Variants in NBL1 observed in about 807,000 individuals in gnomAD.
NBL1 encodes neuroblastoma suppressor of tumorigenicity 1.
In NBL1, 9 loss-of-function variants were observed where a neutral mutation model predicts 16.0. The observed-to-expected ratio is 0.56, with a 90% CI of 0.34 to 0.98. The LOEUF (loss-of-function observed/expected upper bound fraction) is 0.98, where lower values mean the gene tolerates loss of function less well. Ranked by LOEUF, NBL1 falls within the 50% of genes least tolerant of loss-of-function variation. NBL1 has a pLI of 0.02. For synonymous variants in NBL1, 86 were observed against 100.7 expected (o/e 0.85, Z 0.87); for missense variants, 196 against 243.1 (o/e 0.81, Z 1.29).
Position 19,644,446 on chromosome 1 carries a change from G to C in NBL1, c.-20G>C, listed in dbSNP as rs1038307407. On this transcript the variant is annotated splice_region_variant and 5_prime_UTR_variant, in exon 1 of 4. Transcript: ENST00000375136. This position sits in a 1 kb window ranked among gnomAD's most constrained non-coding sequence, Gnocchi z 4.6. The stretch of plus-strand genomic sequence containing the variant: ...CTCCGCAGGACCGGCGGGCGCGCGC[G>C]GTAAGTCCCGCCCGGGTCGGCACGC... 416 of 978,658 alleles carry C rather than the reference G, an allele frequency of 4.3e-4. No individual in the cohort carries two copies. Among genetic ancestry groups the C allele is most frequent in the Non-Finnish European group, 4.8e-4 (396 of 827,342 alleles). 60.6% of individuals were successfully genotyped at this position (978,658 alleles called of 1,614,324 possible).
chr1:19,645,963 G>A, intron 1 of NBL1: 1 of 1,550,546 alleles, frequency 6.4e-7, no homozygotes, highest in Non-Finnish European at 8.7e-7. Context: ...GTGCAGCCTG[G>A]CCCTGCAGCA....
In NBL1 at chr1:19,645,573, A is replaced by G. The variant is rs577126028; in HGVS notation, c.-20+1127A>G. 87 of 1,014,166 alleles carry G rather than the reference A, an allele frequency of 8.6e-5. No homozygotes were observed. In the East Asian group the frequency reaches 1.9e-3, roughly 22 times the overall value. The allele number at this position is 1,014,166 out of a possible 1,614,324, so 62.8% of individuals were successfully genotyped here. On this transcript the variant is annotated intron_variant, in intron 1 of 3. Transcript: ENST00000375136. The stretch of plus-strand genomic sequence containing the variant: ...AAGACCGGGCGCTGGCGGGGAAGCA[A>G]TTTGTCAACAAGGAGCCCCTCACCC...
chr1:19,645,865 C>T (rs2094976290), intron 1 of NBL1: 6 of 1,524,048 alleles, frequency 3.9e-6, no homozygotes, highest in Middle Eastern at 3.4e-4. Context: ...TTAGCTGCTT[C>T]CCCCCACCCA....
At chr1:19,649,550 G>C (rs919205701) in intron 1 of NBL1, among the ~76,000 whole-genome samples, 2 of 151,618 alleles carry the variant, frequency 1.3e-5, no homozygotes, top group South Asian at 4.2e-4. Flanking sequence ...GTAGAGACGG[G>C]GTTTCGCCAT....
intron 1 of NBL1, 28 bp from the exon 2 acceptor site, chr1:19,654,984 C>T: frequency 6.5e-7 from 1 of 1,537,192 alleles, no homozygotes; most frequent in South Asian, 1.2e-5. Context: ...CTTGCTGTGC[C>T]TCACCTGGCA....
chr1:19,654,930 A>G (rs2095047415), intron 1 of NBL1, 82 bp from the exon 2 acceptor site: 7 of 1,454,334 alleles, frequency 4.8e-6, no homozygotes, highest in Non-Finnish European at 5.4e-6. Context: ...AAGGAGTCGG[A>G]TGCCAGAGTC....
chr1:19,654,168 G>A (rs2095043313), intron 1 of NBL1, among the ~76,000 whole-genome samples: 1 of 152,176 alleles, frequency 6.6e-6, no homozygotes, highest in Non-Finnish European at 1.5e-5. Context: ...CCAGCACTTT[G>A]GAATGCTGAA....
chr1:19,644,472 G>C lies in NBL1; in HGVS notation c.-20+26G>C, dbSNP rs1186417711. The C allele has an allele frequency of 1.0e-6, 1 of 978,076 alleles. No individual in the cohort carries two copies. Among genetic ancestry groups the C allele is most frequent in the African/African-American group, 1.8e-5 (1 of 56,564 alleles). The allele number at this position is 978,076 out of a possible 1,614,324, so 60.6% of individuals were successfully genotyped here. On this transcript the variant is annotated intron_variant, in intron 1 of 3. Transcript: ENST00000375136. This position sits in a 1 kb window ranked among gnomAD's most constrained non-coding sequence, Gnocchi z 4.6. ...GTAAGTCCCGCCCGGGTCGGCACGC[G>C]GGCGCCCGGCTTCCAGAGGCTTCGG...
In NBL1 at chr1:19,657,905, CT is replaced by C. The variant is rs1447399813; in HGVS notation, c.*777del. 1.3e-5 allele frequency: 2 copies of C among 152,750 alleles called. No individual in the cohort carries two copies. Among genetic ancestry groups the C allele is most frequent in the African/African-American group, 4.8e-5 (2 of 41,468 alleles). The allele number at this position is 152,750 out of a possible 1,614,324, so 9.5% of individuals were successfully genotyped here. A position where few individuals can be genotyped will look rare whatever the true frequency, so the allele number is the denominator to read the frequency against. On this transcript the variant is annotated 3_prime_UTR_variant, in exon 4 of 4. Coordinates refer to ENST00000375136, the MANE Select transcript of NBL1 (RefSeq NM_005380.8). Reference sequence around the variant, plus strand: ...CCCTGAAGACGAGCATCCCCCTCCTCTCCCTGTTAGAAATGTTAGTGCCCCG... The same window carrying C: ...CCCTGAAGACGAGCATCCCCCTCCTCCCCTGTTAGAAATGTTAGTGCCCCG...
chr1:19,644,347 G>C lies in NBL1; in HGVS notation c.-119G>C, dbSNP rs1469853093. On this transcript the variant is annotated 5_prime_UTR_variant, in exon 1 of 4. Transcript: ENST00000375136. This position sits in a 1 kb window ranked among gnomAD's most constrained non-coding sequence, Gnocchi z 4.6. The stretch of plus-strand genomic sequence containing the variant: ...GCAGCGCAGCCCAGCCGAGCGTCGC[G>C]GGGCCGCCCCCCGCCCTGCCGGCCG... 1 of 978,582 alleles carries C rather than the reference G, an allele frequency of 1.0e-6. No individual in the cohort carries two copies. Among genetic ancestry groups the C allele is most frequent in the African/African-American group, 1.8e-5 (1 of 56,608 alleles). 60.6% of individuals were successfully genotyped at this position (978,582 alleles called of 1,614,324 possible).
chr1:19,653,813 C>A (rs1408106533), intron 1 of NBL1, among the ~76,000 whole-genome samples: 1 of 152,262 alleles, frequency 6.6e-6, no homozygotes, highest in African/African-American at 2.4e-5. Flanking sequence ...GTGAAACTTA[C>A]CTGGGGCGAG....
chr1:19,643,611 C>A (rs2094960548), upstream of NBL1: 1 of 1,380,860 alleles, frequency 7.2e-7, no homozygotes, highest in Non-Finnish European at 9.4e-7. This position sits in a 1 kb window ranked among gnomAD's most constrained non-coding sequence, Gnocchi z 4.7. Flanking sequence ...TCCACTCTTC[C>A]CAGGAGTCAG....
rs144205506 is a variant in NBL1 at position 19,655,736 on chromosome 1, C to T, written c.282+301C>T. Among the ~76,000 whole-genome samples the T allele has an allele frequency of 5.4e-3, 823 of 152,326 alleles. 8 individuals carry two copies. The highest frequency in any genetic ancestry group is 0.019 in the African/African-American group (779 of 41,564). The stretch of plus-strand genomic sequence containing the variant: ...TTATAGGATGAGACCAAAATCTTTG[C>T]CCTGTCCCGAGAACCTGGCATGGCC... On this transcript the variant is annotated intron_variant, in intron 3 of 3. Coordinates refer to ENST00000375136, the MANE Select transcript of NBL1 (RefSeq NM_005380.8).
At chr1:19,643,728 A>C, upstream of NBL1, 1 of 1,095,952 alleles carries the variant, frequency 9.1e-7, no homozygotes, top group Non-Finnish European at 1.1e-6. The surrounding 1 kb of genome is among the most constrained non-coding windows in gnomAD (Gnocchi z 4.7). Context: ...GGATAACACT[A>C]GGCAAGGCTG....
At chr1:19,656,173 T>A (rs1210863445) in intron 3 of NBL1, among the ~76,000 whole-genome samples, 2 of 151,772 alleles carry the variant, frequency 1.3e-5, no homozygotes, top group Non-Finnish European at 2.9e-5. Context: ...TCCCCAGAGC[T>A]GGCACAGGGT....
At chr1:19,643,348 G>A (rs1198119051), upstream of NBL1, 1 of 1,614,054 alleles carries the variant, frequency 6.2e-7, no homozygotes, top group African/African-American at 1.3e-5. The surrounding 1 kb of genome is among the most constrained non-coding windows in gnomAD (Gnocchi z 4.7). Flanking sequence ...AAGCAGGGCT[G>A]TGTCTATCTG....
intron 1 of NBL1, among the ~76,000 whole-genome samples, chr1:19,652,754 G>A (rs188897316): frequency 8.5e-5 from 13 of 152,260 alleles, no homozygotes; most frequent in African/African-American, 3.1e-4. Context: ...TTGGGAGGCC[G>A]AGGTGGGCAG....
chr1:19,645,993 T>A (rs2094977383), intron 1 of NBL1: 1 of 1,550,320 alleles, frequency 6.5e-7, no homozygotes, highest in South Asian at 1.2e-5. Flanking sequence ...CATGGATTTG[T>A]TTTGGAGACT....
At chr1:19,654,029 G>A (rs2095042542) in intron 1 of NBL1, among the ~76,000 whole-genome samples, 1 of 152,136 alleles carries the variant, frequency 6.6e-6, no homozygotes, top group South Asian at 2.1e-4. Context: ...GTGGATTCGA[G>A]TTTCTGGTGA....
Sources: gnomAD v4.1 joint callset for allele counts (sites outside exome capture counted in the v4.1 genomes callset) on GRCh38, gnomAD v4.1.1 for gene constraint, Gnocchi (gnomAD v3.1) non-coding constraint, MANE v1.5 for transcripts, NCBI Gene and HGNC (gene_info 2026-07-23, HGNC 2026-07-21) for gene names.